The following FKBP5 variants were observed in gnomAD, a reference collection of about 807,000 sequenced individuals.
The protein encoded by FKBP5 is FKBP prolyl isomerase 5, also known as peptidyl-prolyl cis-trans isomerase FKBP5.
Under a neutral mutation model 50.5 loss-of-function variants are expected in FKBP5, and 23 were observed. That is an observed-to-expected ratio of 0.46 (90% CI 0.33 to 0.65). FKBP5 has a LOEUF of 0.65. Among genes scored for constraint, FKBP5 ranks in the 30% least tolerant of loss-of-function variants. The pLI is 0.02. For synonymous variants in FKBP5, 176 were observed against 190.6 expected (o/e 0.92, Z 0.63); for missense variants, 411 against 553.1 (o/e 0.74, Z 2.58).
intron 3 of FKBP5, among the ~76,000 whole-genome samples, chr6:35,626,922 A>G (rs1764016148): frequency 6.6e-6 from 1 of 152,218 alleles, no homozygotes; most frequent in Non-Finnish European, 1.5e-5. Flanking sequence ...TGCTGTTAAT[A>G]ATGCTGCTAC....
At chr6:35,683,118 A>ACG (rs1765721923) in intron 1 of FKBP5, among the ~76,000 whole-genome samples, 2 of 108,850 alleles carry the variant, frequency 1.8e-5, no homozygotes, top group East Asian at 3.0e-4. Context: ...ATATATACGT[A>ACG]TATGTGTGTG....
At chr6:35,684,115 T>C (rs1765756979) in intron 1 of FKBP5, among the ~76,000 whole-genome samples, 1 of 152,086 alleles carries the variant, frequency 6.6e-6, no homozygotes. Flanking sequence ...GATGTGTGAC[T>C]GTTTACTTAA....
In FKBP5 at chr6:35,676,995, G is replaced by A. The variant is rs144789518; in HGVS notation, c.-20+11809C>T. On this transcript the variant is annotated intron_variant, in intron 1 of 10. Coordinates refer to ENST00000357266, the MANE Select transcript of FKBP5 (RefSeq NM_004117.4). ...CTAGCTTTCTGACAAACCAATTCCA[G>A]AAGCCTGCAAAGAGAAGGCAGAGTA... 3.3e-5 allele frequency among the ~76,000 whole-genome samples: 5 copies of A among 152,292 alleles called. No homozygotes were observed. In the East Asian group the frequency reaches 9.7e-4, roughly 29 times the overall value.
intron 3 of FKBP5, among the ~76,000 whole-genome samples, chr6:35,628,827 C>A (rs536906640): frequency 1.3e-5 from 2 of 151,988 alleles, no homozygotes; most frequent in Non-Finnish European, 2.9e-5. Context: ...AAGTGATTCT[C>A]CTGCCTCAGC....
intron 1 of FKBP5, among the ~76,000 whole-genome samples, chr6:35,687,757 T>C (rs1454564846): frequency 6.6e-6 from 1 of 152,194 alleles, no homozygotes; most frequent in Admixed American, 6.5e-5. Context: ...GGCCAAACGC[T>C]GAACACACTG....
chr6:35,652,264 A>G (rs1339815161), intron 1 of FKBP5, among the ~76,000 whole-genome samples: 1 of 152,230 alleles, frequency 6.6e-6, no homozygotes, highest in East Asian at 1.9e-4. Flanking sequence ...TGTGTGTTTG[A>G]GCAATATGAA....
At chr6:35,720,064 G>A (rs2151024328) in intron 2 of FKBP5, among the ~76,000 whole-genome samples, 1 of 152,324 alleles carries the variant, frequency 6.6e-6, no homozygotes, top group Non-Finnish European at 1.5e-5. Context: ...GGGGGCTAGG[G>A]CGGGGTGGGA....
intron 3 of FKBP5, among the ~76,000 whole-genome samples, chr6:35,634,986 T>G (rs1441319417): frequency 1.4e-5 from 2 of 140,160 alleles, no homozygotes; most frequent in Non-Finnish European, 3.0e-5. Flanking sequence ...GCCCAGGAGT[T>G]CAAGACTAGC....
intron 3 of FKBP5, among the ~76,000 whole-genome samples, chr6:35,620,767 C>T (rs1763808262): frequency 6.6e-6 from 1 of 152,044 alleles, no homozygotes; most frequent in Non-Finnish European, 1.5e-5. Context: ...AAAGGATTCC[C>T]TGCTGAAAGG....
intron 5 of FKBP5, 48 bp downstream of exon 5, chr6:35,619,048 A>C (rs1340520088): frequency 2.3e-6 from 3 of 1,310,702 alleles, no homozygotes; most frequent in Non-Finnish European, 3.3e-6. Flanking sequence ...TCGTCCACAT[A>C]AATGGCCCAA....
intron 1 of FKBP5, among the ~76,000 whole-genome samples, chr6:35,644,081 AG>A (rs1764565688): frequency 2.0e-5 from 3 of 152,226 alleles, no homozygotes; most frequent in Admixed American, 1.3e-4. Context: ...AATCTTCTGA[AG>A]TGGTATAATG....
rs1160967897 is a variant in FKBP5 at position 35,577,082 on chromosome 6, A to G, written c.1178T>C (p.Met393Thr). The stretch of plus-strand genomic sequence containing the variant: ...GTGCTCCTTGGCCTTTTTCTGGCAC[A>G]TGGAGATCTGCAGTCTTGCAGCCTT... ...QNKAARLQIS[M>T]CQKKAKEHNE... The change falls in exon 10 of 11, where the codon ATG (methionine) becomes ACG (threonine). Residue 393 changes from methionine (M) to threonine (T), a missense_variant. By Grantham distance (81) the Met-to-Thr change is moderately conservative (BLOSUM62 -1). Coordinates refer to ENST00000357266, the MANE Select transcript of FKBP5 (RefSeq NM_004117.4). The G allele has an allele frequency of 2.5e-6, 4 of 1,614,052 alleles. No individual in the cohort carries two copies. Among genetic ancestry groups the G allele is most frequent in the South Asian group, 1.1e-5 (1 of 91,086 alleles).
chr6:35,601,055 C>A (rs1763131298), intron 5 of FKBP5, among the ~76,000 whole-genome samples: 1 of 152,158 alleles, frequency 6.6e-6, no homozygotes, highest in South Asian at 2.1e-4. Flanking sequence ...CTCAGAGAGA[C>A]AATAAATGAC....
chr6:35,613,513 GC>G (rs1349155873), intron 5 of FKBP5, among the ~76,000 whole-genome samples: 2 of 152,184 alleles, frequency 1.3e-5, no homozygotes, highest in African/African-American at 4.8e-5. Context: ...ACCGCACCTG[GC>G]CTAGTTCCAG....
At chr6:35,585,704 ACAGT>A in intron 8 of FKBP5, 1 of 948,772 alleles carries the variant, frequency 1.1e-6, no homozygotes, top group Non-Finnish European at 1.3e-6. Flanking sequence ...AATACCACCC[ACAGT>A]AAGAAATATG....
chr6:35,714,814 CAAAAAA>C (rs113161701), intron 2 of FKBP5, among the ~76,000 whole-genome samples: 3 of 138,898 alleles, frequency 2.2e-5, no homozygotes, highest in African/African-American at 7.9e-5. Flanking sequence ...AACTCTGTCT[CAAAAAA>C]AAAAAAAAAA....
At chr6:35,633,542 C>CAAAAAAAAA (rs10714201) in intron 3 of FKBP5, among the ~76,000 whole-genome samples, 1 of 91,610 alleles carries the variant, frequency 1.1e-5, no homozygotes, top group African/African-American at 4.2e-5. Flanking sequence ...GATTCCATCT[C>CAAAAAAAAA]AAAAAAAAAA....
At chr6:35,602,609 C>A (rs903738412) in intron 5 of FKBP5, among the ~76,000 whole-genome samples, 1 of 151,638 alleles carries the variant, frequency 6.6e-6, no homozygotes, top group Non-Finnish European at 1.5e-5. Flanking sequence ...TCTTAATAAC[C>A]CCCTGAAAAA....
chr6:35,610,367 C>T (rs1256996204), intron 5 of FKBP5, among the ~76,000 whole-genome samples: 1 of 151,660 alleles, frequency 6.6e-6, no homozygotes, highest in Non-Finnish European at 1.5e-5. Context: ...GAGATCGAGA[C>T]CATCCTGGCT....
Sources: allele counts gnomAD v4.1 joint callset (sites outside exome capture counted in the v4.1 genomes callset), GRCh38; gene constraint gnomAD v4.1.1; transcripts MANE v1.5; gene names NCBI Gene and HGNC (gene_info 2026-07-23, HGNC 2026-07-21).